Variants in TSGA10 observed in about 807,000 individuals in gnomAD.
TSGA10 encodes the protein testis-specific gene 10 protein.
Under a neutral mutation model 96.6 loss-of-function variants are expected in TSGA10, and 43 were observed. The ratio of observed to expected loss-of-function variants is 0.44; its 90% confidence interval spans 0.35 to 0.57. TSGA10 has a LOEUF of 0.57. Ranked by LOEUF, TSGA10 falls within the 20% of genes least tolerant of loss-of-function variation. The pLI is 0.01. For synonymous variants in TSGA10, 229 were observed against 269.9 expected, an observed-to-expected ratio of 0.85 and a Z score of 1.48; for missense variants, 703 against 834.4, an observed-to-expected ratio of 0.84 and a Z score of 1.94.
rs781717442 is a variant in TSGA10 at position 98,998,032 on chromosome 2, T to C, written c.*165A>G. On this transcript the variant is annotated 3_prime_UTR_variant, in exon 21 of 21. Coordinates refer to ENST00000393483, the MANE Select transcript of TSGA10 (RefSeq NM_025244.4). ...TTTTGTTTTTATAAGTCATCTCAGA[T>C]CACTGCAACATGGCACATTAGAACA... The C allele has an allele frequency of 1.6e-6, 1 of 628,902 alleles. No individual in the cohort carries two copies. Among genetic ancestry groups the C allele is most frequent in the Non-Finnish European group, 2.7e-6 (1 of 371,626 alleles). 39.0% of individuals were successfully genotyped at this position (628,902 alleles called of 1,614,324 possible).
chr2:99,042,504 A>T (rs1469343720), intron 16 of TSGA10, among the ~76,000 whole-genome samples: 6 of 152,138 alleles, frequency 3.9e-5, no homozygotes. Context: ...CTCTTTGGCC[A>T]CTGTGTAACA....
intron 17 of TSGA10, among the ~76,000 whole-genome samples, chr2:99,032,177 A>G (rs1426841260): frequency 6.6e-6 from 1 of 151,992 alleles, no homozygotes; most frequent in Admixed American, 6.6e-5. Flanking sequence ...TTTTTTATTT[A>G]CCACTTCCAT....
chr2:99,044,286 C>T (rs558423810), intron 16 of TSGA10, among the ~76,000 whole-genome samples: 8 of 147,626 alleles, frequency 5.4e-5, no homozygotes, highest in African/African-American at 1.3e-4. Flanking sequence ...ATCCATCTCA[C>T]GTACGAAAAC....
chr2:99,028,511 T>C (rs1028653351), intron 17 of TSGA10, among the ~76,000 whole-genome samples: 7 of 152,210 alleles, frequency 4.6e-5, no homozygotes, highest in African/African-American at 1.4e-4. Context: ...GTTTCAAGTA[T>C]ACAGTATATT....
chr2:99,089,696 G>A (rs2089039520), intron 10 of TSGA10, among the ~76,000 whole-genome samples: 1 of 152,066 alleles, frequency 6.6e-6, no homozygotes, highest in African/African-American at 2.4e-5. Flanking sequence ...ATCCTCCTGG[G>A]AGCATAACTC....
intron 18 of TSGA10, among the ~76,000 whole-genome samples, chr2:99,019,314 A>T (rs925179876): frequency 6.6e-6 from 1 of 152,246 alleles, no homozygotes; most frequent in Admixed American, 6.5e-5. Flanking sequence ...AGTATTTACC[A>T]GCCAGTCTAA....
chr2:99,025,167 T>C (rs1009631374), intron 17 of TSGA10, among the ~76,000 whole-genome samples: 1 of 152,218 alleles, frequency 6.6e-6, no homozygotes, highest in Non-Finnish European at 1.5e-5. Flanking sequence ...TTAAGAAGTG[T>C]TGTCTTCTAC....
chr2:99,028,618 A>G (rs763607360), intron 17 of TSGA10, among the ~76,000 whole-genome samples: 2 of 146,854 alleles, frequency 1.4e-5, no homozygotes, highest in Non-Finnish European at 3.0e-5. Context: ...TTCTTCCCCT[A>G]CTCCCCTCAC....
chr2:99,036,975 A>G (rs1468088855), intron 16 of TSGA10, among the ~76,000 whole-genome samples: 1 of 152,184 alleles, frequency 6.6e-6, no homozygotes, highest in African/African-American at 2.4e-5. Context: ...AACATACGTA[A>G]GCCAAAAAAA....
chr2:99,139,241 C>A (rs562563754), intron 1 of TSGA10, among the ~76,000 whole-genome samples: 1 of 151,674 alleles, frequency 6.6e-6, no homozygotes, highest in Non-Finnish European at 1.5e-5. Context: ...CCAGCCTGAG[C>A]GACAGTGAGA....
At chr2:99,117,486 A>T in intron 4 of TSGA10, 58 bp downstream of exon 4, 1 of 842,368 alleles carries the variant, frequency 1.2e-6, no homozygotes, top group East Asian at 1.2e-4. Context: ...CATTGCATTT[A>T]AAAATTACAT....
intron 2 of TSGA10, among the ~76,000 whole-genome samples, chr2:99,120,999 T>C (rs955864033): frequency 6.6e-6 from 1 of 152,204 alleles, no homozygotes; most frequent in Non-Finnish European, 1.5e-5. Context: ...TTGAACCAAA[T>C]AGGATCATTC....
intron 16 of TSGA10, among the ~76,000 whole-genome samples, chr2:99,044,419 G>C (rs1340069916): frequency 6.7e-6 from 1 of 148,594 alleles, no homozygotes. Context: ...AACCAACAAA[G>C]ATCAAAAGAG....
At chr2:99,102,582 A>T (rs2090897826) in intron 10 of TSGA10, 1 of 1,614,162 alleles carries the variant, frequency 6.2e-7, no homozygotes, top group Non-Finnish European at 8.5e-7. Flanking sequence ...AGATATGATT[A>T]TGGAACTTGC....
At chr2:99,147,592 A>G (rs1401361356) in intron 1 of TSGA10, 2 of 1,026,144 alleles carry the variant, frequency 1.9e-6, no homozygotes, top group African/African-American at 3.2e-5. Context: ...ATTATATGTT[A>G]CCATTCTTTT....
intron 10 of TSGA10, among the ~76,000 whole-genome samples, chr2:99,087,294 G>A (rs375446055): frequency 6.6e-6 from 1 of 152,120 alleles, no homozygotes; most frequent in Non-Finnish European, 1.5e-5. Flanking sequence ...ATCACCTGCA[G>A]TCAGGAGTTC....
At chr2:99,118,070 TAAAG>T (rs1253691974) in intron 3 of TSGA10, among the ~76,000 whole-genome samples, 2 of 152,174 alleles carry the variant, frequency 1.3e-5, no homozygotes, top group Non-Finnish European at 1.5e-5. Flanking sequence ...ATATCTGCAA[TAAAG>T]AAACTTCAAT....
intron 20 of TSGA10, among the ~76,000 whole-genome samples, chr2:99,007,238 A>G (rs1005540080): frequency 3.9e-5 from 6 of 152,204 alleles, no homozygotes; most frequent in Non-Finnish European, 7.3e-5. Context: ...ACATGTATAC[A>G]TATGTAACAA....
chr2:99,087,257 G>C (rs1428901321), intron 10 of TSGA10, among the ~76,000 whole-genome samples: 2 of 151,584 alleles, frequency 1.3e-5, no homozygotes, highest in East Asian at 3.9e-4. Context: ...CTGTAATCCC[G>C]TCACTTTGGG....
Sources: gnomAD v4.1 joint callset for allele counts (sites outside exome capture counted in the v4.1 genomes callset) on GRCh38, gnomAD v4.1.1 for gene constraint, MANE v1.5 for transcripts, NCBI Gene and HGNC (gene_info 2026-07-23, HGNC 2026-07-21) for gene names.